Variants in LRCH1 observed in about 807,000 individuals in gnomAD.
LRCH1 encodes the protein leucine-rich repeat and calponin homology domain-containing protein 1.
A neutral mutation model predicts 94.9 loss-of-function variants in LRCH1; 23 were observed. That is an observed-to-expected ratio of 0.24 (90% CI 0.17 to 0.34). The LOEUF is 0.34. Among genes scored for constraint, LRCH1 ranks in the 10% least tolerant of loss-of-function variants. The pLI is 1.00. For missense variants in LRCH1, 790 were observed against 945.9 expected (o/e 0.84, Z 2.16); for synonymous variants, 364 against 354.9 (o/e 1.03, Z -0.29).
Position 46,669,057 on chromosome 13 carries a change from C to T in LRCH1, c.480C>T (p.Ala160=), listed in dbSNP as rs1566212804. The T allele has an allele frequency of 6.2e-7, 1 of 1,613,590 alleles. No individual in the cohort carries two copies. The highest frequency in any genetic ancestry group is 1.3e-5 in the African/African-American group (1 of 74,946). ...GAAATCAGCTGTCCGCCCTGCCTGC[C>T]TGCCTGTGTGGTCTGCCTCTCAAAG... The part of the protein sequence containing the change: ...LSRNQLSALP[A]CLCGLPLKVL... The change falls in exon 3 of 20, where the codon GCC becomes GCT. Residue 160 remains alanine, a synonymous_variant. Transcript: ENST00000389797.
In LRCH1 at chr13:46,669,048, C is replaced by T; in HGVS notation, c.471C>T (p.Ala157=). 4.4e-6 allele frequency: 7 copies of T among 1,608,512 alleles called. No homozygotes were observed. Among genetic ancestry groups the T allele is most frequent in the Middle Eastern group, 1.7e-4 (1 of 6,042 alleles). The stretch of plus-strand genomic sequence containing the variant: ...TTTGCAGTCGAAATCAGCTGTCCGC[C>T]CTGCCTGCCTGCCTGTGTGGTCTGC... ...YLNLSRNQLS[A]LPACLCGLPL... The change falls in exon 3 of 20, where the codon GCC becomes GCT. Residue 157 remains alanine (A), a synonymous_variant. Coordinates refer to ENST00000389797, the MANE Select transcript of LRCH1 (RefSeq NM_001164211.2).
chr13:46,672,797 C>G (rs538026511), intron 3 of LRCH1, among the ~76,000 whole-genome samples: 119 of 152,266 alleles, frequency 7.8e-4, no homozygotes, highest in Non-Finnish European at 1.3e-3. Context: ...GTTCTAGGAT[C>G]TTAGAGTGAT....
At chr13:46,748,493 G>A (rs962151081), downstream of LRCH1, among the ~76,000 whole-genome samples, 2 of 152,138 alleles carry the variant, frequency 1.3e-5, no homozygotes, top group Non-Finnish European at 2.9e-5. Context: ...TATAGAACCT[G>A]CCTTAACAGT....
rs1491446321 is a variant in LRCH1, at chr13:46,699,553, TTC to T, written c.1313+154_1313+155del. ...AATATTGATAAGAAGTTGCCAGTTTTTCTCTGTCTGATGCTTTTTGTCGTGGT... is the reference window on the plus strand; with the variant it reads ...AATATTGATAAGAAGTTGCCAGTTTTTCTGTCTGATGCTTTTTGTCGTGGT... On this transcript the variant is annotated intron_variant, in intron 10 of 19. Transcript: ENST00000389797. 1.3e-5 allele frequency: 9 copies of T among 692,116 alleles called. No individual in the cohort carries two copies. The Admixed American group carries it at 1.9e-4, about 15-fold the overall frequency. The allele number at this position is 692,116 out of a possible 1,614,324, so 42.9% of individuals were successfully genotyped here.
chr13:46,696,215 C>T (rs1871176972), intron 9 of LRCH1, among the ~76,000 whole-genome samples: 1 of 151,900 alleles, frequency 6.6e-6, no homozygotes, highest in Non-Finnish European at 1.5e-5. Context: ...CACACACACA[C>T]ACACACACAC....
intron 3 of LRCH1, among the ~76,000 whole-genome samples, chr13:46,673,351 T>C (rs1209477123): frequency 2.0e-5 from 3 of 152,220 alleles, no homozygotes; most frequent in Non-Finnish European, 4.4e-5. Context: ...TAAGTGGTCA[T>C]TATTTAACCA....
exon 19 of LRCH1, chr13:46,751,265 CTT>C (rs1057159331): frequency 6.6e-6 from 1 of 151,980 alleles, no homozygotes; most frequent in African/African-American, 2.4e-5. Flanking sequence ...TTTCTATCCT[CTT>C]TGGTGTGCGG....
chr13:46,732,019 A>C (rs977414583), intron 18 of LRCH1, among the ~76,000 whole-genome samples: 5 of 152,168 alleles, frequency 3.3e-5, no homozygotes, highest in African/African-American at 1.2e-4. Flanking sequence ...GCTGCTTTAG[A>C]GGTAAGTGAG....
At chr13:46,669,263 G>A in intron 3 of LRCH1, 107 bp downstream of exon 3, 2 of 1,296,264 alleles carry the variant, frequency 1.5e-6, no homozygotes, top group Non-Finnish European at 2.1e-6. Flanking sequence ...TAGAGCCTCT[G>A]TTGTTTGAGG....
chr13:46,676,433 A>G (rs1450956426), intron 3 of LRCH1, among the ~76,000 whole-genome samples: 5 of 152,202 alleles, frequency 3.3e-5, no homozygotes, highest in Non-Finnish European at 7.3e-5. Context: ...AATTAGAATT[A>G]TTTAATCCTT....
chr13:46,582,000 A>T (rs1043903995), intron 1 of LRCH1, among the ~76,000 whole-genome samples: 5 of 152,130 alleles, frequency 3.3e-5, no homozygotes, highest in Non-Finnish European at 7.4e-5. Context: ...AAATTCAAAA[A>T]TTAGCCGGGC....
chr13:46,671,035 C>T (rs1287842307), intron 3 of LRCH1, among the ~76,000 whole-genome samples: 1 of 152,230 alleles, frequency 6.6e-6, no homozygotes, highest in East Asian at 1.9e-4. Flanking sequence ...CTTCTGTGGT[C>T]AGGCCCCTGC....
chr13:46,693,084 G>A (rs1388732364), intron 8 of LRCH1, among the ~76,000 whole-genome samples: 1 of 150,832 alleles, frequency 6.6e-6, no homozygotes, highest in Non-Finnish European at 1.5e-5. Flanking sequence ...GGGTTCTCCT[G>A]CCTCAGCCTC....
chr13:46,689,686 G>A (rs549989992), intron 7 of LRCH1, among the ~76,000 whole-genome samples: 91 of 149,790 alleles, frequency 6.1e-4, no homozygotes, highest in African/African-American at 2.2e-3. Flanking sequence ...TTATAACAAT[G>A]TTTGTTTTCC....
chr13:46,572,751 T>C (rs1214796299), intron 1 of LRCH1, among the ~76,000 whole-genome samples: 1 of 152,186 alleles, frequency 6.6e-6, no homozygotes, highest in East Asian at 1.9e-4. Context: ...CAGCCACATT[T>C]CGTAAACTTA....
chr13:46,748,454 A>G (rs952070042), downstream of LRCH1, among the ~76,000 whole-genome samples: 1 of 152,214 alleles, frequency 6.6e-6, no homozygotes, highest in Non-Finnish European at 1.5e-5. Context: ...GTCAGAGCCA[A>G]TAGAATGAGG....
At chr13:46,670,490 G>T (rs1192689691) in intron 3 of LRCH1, among the ~76,000 whole-genome samples, 1 of 152,220 alleles carries the variant, frequency 6.6e-6, no homozygotes, top group East Asian at 1.9e-4. Context: ...GCATCTCTCA[G>T]CCCTGGGTTC....
chr13:46,709,172 C>T (rs1398840109), intron 13 of LRCH1, among the ~76,000 whole-genome samples: 1 of 152,212 alleles, frequency 6.6e-6, no homozygotes, highest in East Asian at 1.9e-4. Context: ...TTTCCACATG[C>T]TCATAAAGCT....
chr13:46,596,761 C>A (rs1012117205), intron 1 of LRCH1, among the ~76,000 whole-genome samples: 13 of 152,260 alleles, frequency 8.5e-5, no homozygotes, highest in Admixed American at 8.5e-4. Context: ...CGCAAAGTTA[C>A]GCAGGTGGTA....
Sources: allele counts gnomAD v4.1 joint callset (sites outside exome capture counted in the v4.1 genomes callset), GRCh38; gene constraint gnomAD v4.1.1; transcripts MANE v1.5; gene names NCBI Gene and HGNC (gene_info 2026-07-23, HGNC 2026-07-21).